The following ELF2 variants were observed in gnomAD, a reference collection of about 807,000 sequenced individuals.
ELF2 encodes E74 like ETS transcription factor 2.
In ELF2, 11 loss-of-function variants were observed where a neutral mutation model predicts 54.8. The observed-to-expected ratio is 0.20, with a 90% confidence interval of 0.13 to 0.33. ELF2 has a LOEUF of 0.33. Among genes scored for constraint, ELF2 ranks in the 10% least tolerant of loss-of-function variants. The probability of loss-of-function intolerance (pLI) is 1.00; values close to 1 mark genes in which losing one functional copy is unlikely to be tolerated. For missense variants in ELF2, 513 were observed against 703.0 expected, an observed-to-expected ratio of 0.73 and a Z score of 3.06; for synonymous variants, 203 against 245.1, an observed-to-expected ratio of 0.83 and a Z score of 1.61.
chr4:139,088,115 C>G (rs1376686754), intron 4 of ELF2, among the ~76,000 whole-genome samples: 1 of 151,780 alleles, frequency 6.6e-6, no homozygotes, highest in Non-Finnish European at 1.5e-5. Context: ...GGTGACAGCC[C>G]GTCTCTACTA....
intron 1 of ELF2, among the ~76,000 whole-genome samples, chr4:139,163,240 C>T (rs1741349632): frequency 6.6e-6 from 1 of 151,974 alleles, no homozygotes; most frequent in South Asian, 2.1e-4. Context: ...CAAAAAACAT[C>T]ATGTGGCTTT....
intron 1 of ELF2, among the ~76,000 whole-genome samples, chr4:139,149,064 T>TTA (rs1271674739): frequency 6.6e-6 from 1 of 152,130 alleles, no homozygotes; most frequent in African/African-American, 2.4e-5. Context: ...ACAAACACAT[T>TTA]TACCTACAAT....
chr4:139,117,900 G>A (rs1344411474), intron 4 of ELF2: 3 of 157,838 alleles, frequency 1.9e-5, no homozygotes, highest in Non-Finnish European at 4.2e-5. Context: ...GTTGCAGTGA[G>A]CCGAGATCAC....
chr4:139,081,913 C>T (rs532267359), intron 4 of ELF2, among the ~76,000 whole-genome samples: 15 of 75,988 alleles, frequency 2.0e-4, no homozygotes, highest in Non-Finnish European at 1.8e-4. Flanking sequence ...CTTTACAGAA[C>T]ATTATTATCA....
chr4:139,145,581 A>G (rs1486852684), intron 1 of ELF2, among the ~76,000 whole-genome samples: 1 of 152,196 alleles, frequency 6.6e-6, no homozygotes, highest in Admixed American at 6.5e-5. Flanking sequence ...AAAGGATGTA[A>G]CAAAAAGAAA....
chr4:139,092,413 ATACATAACAT>A (rs1376382668), intron 4 of ELF2, among the ~76,000 whole-genome samples: 837 of 53,200 alleles, frequency 0.016, 15 homozygotes, highest in Middle Eastern at 0.038. Flanking sequence ...ATAACATAAC[ATACATAACAT>A]AACATAACAT....
At chr4:139,111,784 T>G (rs1734970984) in intron 4 of ELF2, among the ~76,000 whole-genome samples, 1 of 152,184 alleles carries the variant, frequency 6.6e-6, no homozygotes, top group Non-Finnish European at 1.5e-5. Flanking sequence ...GAGCAACTAT[T>G]TTAATCTCTA....
intron 4 of ELF2, among the ~76,000 whole-genome samples, chr4:139,099,840 A>G (rs1240633796): frequency 6.6e-6 from 1 of 152,224 alleles, no homozygotes; most frequent in Admixed American, 6.5e-5. Flanking sequence ...AAAATAACAG[A>G]ACAGTCCTAA....
At chr4:139,124,649 C>A (rs898216488) in intron 4 of ELF2, among the ~76,000 whole-genome samples, 1 of 152,016 alleles carries the variant, frequency 6.6e-6, no homozygotes, top group Admixed American at 6.5e-5. Flanking sequence ...AGCTATCTCA[C>A]CAGAAATAGA....
intron 1 of ELF2, among the ~76,000 whole-genome samples, chr4:139,170,840 G>A (rs1742237595): frequency 6.6e-6 from 1 of 151,754 alleles, no homozygotes; most frequent in Non-Finnish European, 1.5e-5. Flanking sequence ...CCGCCTCCCA[G>A]GTTTATGCAG....
chr4:139,088,689 C>G (rs1732256547), intron 4 of ELF2, among the ~76,000 whole-genome samples: 1 of 152,172 alleles, frequency 6.6e-6, no homozygotes, highest in African/African-American at 2.4e-5. Context: ...CTCCATTCTC[C>G]ACTCTCTCCA....
At chr4:139,090,297 T>TA (rs1441714580) in intron 4 of ELF2, among the ~76,000 whole-genome samples, 1 of 151,964 alleles carries the variant, frequency 6.6e-6, no homozygotes, top group Admixed American at 6.6e-5. Flanking sequence ...TTGGCAGAGT[T>TA]ACGATTTTTC....
chr4:139,105,368 T>C (rs1446773750), intron 4 of ELF2, among the ~76,000 whole-genome samples: 2 of 152,246 alleles, frequency 1.3e-5, no homozygotes, highest in East Asian at 3.9e-4. Flanking sequence ...AAATAATGCC[T>C]TGCATTTACT....
chr4:139,144,544 A>G (rs1470273167), intron 1 of ELF2, among the ~76,000 whole-genome samples: 1 of 152,236 alleles, frequency 6.6e-6, no homozygotes, highest in Non-Finnish European at 1.5e-5. Flanking sequence ...AACCACAGAC[A>G]CAGAAGTTGG....
intron 1 of ELF2, among the ~76,000 whole-genome samples, chr4:139,147,231 A>C (rs1478706405): frequency 6.6e-6 from 1 of 152,246 alleles, no homozygotes; most frequent in Non-Finnish European, 1.5e-5. Context: ...AAATGACATG[A>C]ACAAACATTT....
At chr4:139,083,064 C>T (rs1480933435) in intron 4 of ELF2, among the ~76,000 whole-genome samples, 1 of 152,134 alleles carries the variant, frequency 6.6e-6, no homozygotes, top group Non-Finnish European at 1.5e-5. Context: ...CCCGTAGTCC[C>T]GCCCCCAGAA....
intron 4 of ELF2, chr4:139,084,313 T>C: frequency 6.3e-7 from 1 of 1,581,584 alleles, no homozygotes; most frequent in South Asian, 1.1e-5. Flanking sequence ...ACTCACGCAC[T>C]CGCACACACT....
At chr4:139,116,551 T>C (rs1560829395) in intron 4 of ELF2, 6 of 478,174 alleles carry the variant, frequency 1.3e-5, no homozygotes. Flanking sequence ...GGAGGAATCA[T>C]TGTCACCCTT....
chr4:139,132,868 ATATAT>A (rs1267645847), intron 3 of ELF2, among the ~76,000 whole-genome samples: 1,783 of 103,530 alleles, frequency 0.017, 18 homozygotes, highest in Non-Finnish European at 0.028. Flanking sequence ...ATATATATAT[ATATAT>A]AAAATATGTA....
Sources: allele counts gnomAD v4.1 joint callset (sites outside exome capture counted in the v4.1 genomes callset), GRCh38; gene constraint gnomAD v4.1.1; transcripts MANE v1.5; gene names NCBI Gene and HGNC (gene_info 2026-07-23, HGNC 2026-07-21).